Variants in MS4A4E observed in about 807,000 individuals in gnomAD.
MS4A4E encodes membrane spanning 4-domains A4E.
Under a neutral mutation model 13.3 loss-of-function variants are expected in MS4A4E, and 23 were observed. The ratio of observed to expected loss-of-function variants is 1.73; its 90% CI spans 1.25 to 2.45. MS4A4E has a LOEUF of 2.45. Among genes scored for constraint, MS4A4E ranks in the 30% most tolerant of loss-of-function variants. The pLI, the probability that MS4A4E is intolerant of heterozygous loss-of-function variation, is 0.00. For synonymous variants in MS4A4E, 36 were observed against 45.6 expected (o/e 0.79, Z 0.85); for missense variants, 144 against 131.2 (o/e 1.10, Z -0.48).
chr11:60,232,524 A>G (rs1273666065), intron 1 of MS4A4E, among the ~76,000 whole-genome samples: 1 of 152,138 alleles, frequency 6.6e-6, no homozygotes. Context: ...CTACAGGGAA[A>G]AGGTTAGTGA....
intron 3 of MS4A4E, among the ~76,000 whole-genome samples, chr11:60,227,287 C>T (rs1369769190): frequency 6.6e-6 from 1 of 152,156 alleles, no homozygotes; most frequent in Non-Finnish European, 1.5e-5. Flanking sequence ...CGTGGTGGCT[C>T]ACCCCTGTAA....
chr11:60,217,307 C>T (rs146319507), intron 3 of MS4A4E, among the ~76,000 whole-genome samples: 414 of 152,174 alleles, frequency 2.7e-3, no homozygotes, highest in Non-Finnish European at 4.8e-3. Context: ...ACTGTTAAAG[C>T]GAGAGCATTG....
At chr11:60,242,913 A>T (rs1388354745) in intron 1 of MS4A4E, 45 bp downstream of exon 1, 1 of 1,422,392 alleles carries the variant, frequency 7.0e-7, no homozygotes, top group African/African-American at 1.4e-5. Flanking sequence ...GAAATGAAAC[A>T]AACTATCAGT....
At chr11:60,233,283 A>G (rs1473917549) in intron 1 of MS4A4E, among the ~76,000 whole-genome samples, 3 of 152,268 alleles carry the variant, frequency 2.0e-5, no homozygotes, top group East Asian at 3.9e-4. Flanking sequence ...AATTGCTGCT[A>G]TGCCCGATTG....
intron 1 of MS4A4E, 92 bp downstream of exon 1, chr11:60,242,866 T>C: frequency 1.1e-6 from 1 of 937,310 alleles, no homozygotes; most frequent in Non-Finnish European, 1.6e-6. Flanking sequence ...GACCTCATTT[T>C]TTTTTCTCAC....
rs150002661 is a variant in MS4A4E, at chr11:60,201,665, G to C, written c.874C>G (p.Leu292Val). 3.7e-3 allele frequency: 1,066 copies of C among 287,444 alleles called. 14 individuals carry two copies. Among genetic ancestry groups the C allele is most frequent in the African/African-American group, 0.023 (997 of 42,872 alleles). 17.8% of individuals were successfully genotyped at this position (287,444 alleles called of 1,614,324 possible). A position where few individuals can be genotyped will look rare whatever the true frequency, so the allele number is the denominator to read the frequency against. The change falls in exon 9 of 9, where the codon CTG becomes GTG. Residue 292 changes from leucine (L) to valine (V), a missense_variant. This residue lies in a region of MS4A4E where 21 missense variants were observed against 25.1 expected (regional missense o/e 0.84). Coordinates refer to ENST00000651255, the MANE Select transcript of MS4A4E (RefSeq NM_001393391.1). Reference sequence around the variant, plus strand: ...GGGCAGAGACGCTCCTCACTTTCCAGACTGGGCAGCCAGGCAGAGGGGCTC... The same window carrying C: ...GGGCAGAGACGCTCCTCACTTTCCACACTGGGCAGCCAGGCAGAGGGGCTC... ...VRSPSAWLPSLESEERLCPAA... is the reference protein window; with the variant it reads ...VRSPSAWLPSVESEERLCPAA...
At chr11:60,218,753 G>A (rs147797200) in intron 3 of MS4A4E, among the ~76,000 whole-genome samples, 46 of 152,212 alleles carry the variant, frequency 3.0e-4, no homozygotes, top group African/African-American at 1.0e-3. Flanking sequence ...TTCAGAATGC[G>A]ATACACAAGA....
chr11:60,222,112 T>G (rs1038504350), intron 3 of MS4A4E, among the ~76,000 whole-genome samples: 1 of 152,318 alleles, frequency 6.6e-6, no homozygotes, highest in South Asian at 2.1e-4. Flanking sequence ...CTCGGAATGA[T>G]CAGCCAGCTA....
chr11:60,225,608 G>C (rs1336577133), intron 3 of MS4A4E, among the ~76,000 whole-genome samples: 1 of 152,038 alleles, frequency 6.6e-6, no homozygotes, highest in Non-Finnish European at 1.5e-5. Context: ...TTATAAATGG[G>C]TCAAAAAATT....
At chr11:60,202,152 A>G (rs1432713332) in intron 8 of MS4A4E, among the ~76,000 whole-genome samples, 1 of 152,228 alleles carries the variant, frequency 6.6e-6, no homozygotes, top group Non-Finnish European at 1.5e-5. Context: ...TGCAATCACT[A>G]AGCAGACAGA....
chr11:60,224,216 G>C (rs1387914384), intron 3 of MS4A4E, among the ~76,000 whole-genome samples: 1 of 151,754 alleles, frequency 6.6e-6, no homozygotes, highest in Non-Finnish European at 1.5e-5. Flanking sequence ...CTTGGGAAAA[G>C]GTTTTTAAAC....
chr11:60,239,116 T>C (rs2084518162), intron 1 of MS4A4E, among the ~76,000 whole-genome samples: 1 of 152,192 alleles, frequency 6.6e-6, no homozygotes, highest in South Asian at 2.1e-4. Flanking sequence ...GCCAGACTAG[T>C]GTAGTGGATC....
chr11:60,218,332 G>C (rs1418780725), intron 3 of MS4A4E, among the ~76,000 whole-genome samples: 1 of 152,120 alleles, frequency 6.6e-6, no homozygotes. Flanking sequence ...ATCTCGCCCT[G>C]CCTCCACTTG....
At chr11:60,213,200 TA>T (rs1330819167) in intron 4 of MS4A4E, 68 bp from the exon 5 acceptor site, 1 of 1,218,702 alleles carries the variant, frequency 8.2e-7, no homozygotes, top group African/African-American at 1.5e-5. Flanking sequence ...TTAATTACTT[TA>T]CACTGCTGTC....
chr11:60,212,410 C>T (rs778543797), intron 5 of MS4A4E, among the ~76,000 whole-genome samples: 41 of 151,446 alleles, frequency 2.7e-4, no homozygotes, highest in African/African-American at 6.3e-4. Flanking sequence ...CCTGGGTTCA[C>T]GCCATTCTCC....
intron 5 of MS4A4E, among the ~76,000 whole-genome samples, chr11:60,212,103 G>A (rs982228310): frequency 2.0e-5 from 3 of 152,040 alleles, no homozygotes; most frequent in South Asian, 2.1e-4. Context: ...AAGCAATTGA[G>A]ATAGCATTGA....
At chr11:60,231,008 A>G (rs1164755786) in intron 1 of MS4A4E, among the ~76,000 whole-genome samples, 1 of 152,202 alleles carries the variant, frequency 6.6e-6, no homozygotes, top group Non-Finnish European at 1.5e-5. Context: ...ATTGTAGTCC[A>G]AATTTGCTAT....
rs867127647 is a variant in MS4A4E, at chr11:60,201,045, T to C, written c.*498A>G. Among the ~76,000 whole-genome samples the C allele has an allele frequency of 1.1e-5, 1 of 88,204 alleles. No individual in the cohort carries two copies. Among genetic ancestry groups the C allele is most frequent in the Non-Finnish European group, 2.2e-5 (1 of 44,806 alleles). 57.9% of individuals were successfully genotyped at this position (88,204 alleles called of 152,430 possible). ...GACCCCCCCACCTCCCTCCCAGACG[T>C]GGTGGCTGGCCGGGTGGGGGGCTGA... On this transcript the variant is annotated 3_prime_UTR_variant, in exon 9 of 9. Transcript: ENST00000651255.
chr11:60,214,732 C>T, intron 3 of MS4A4E, 118 bp from the exon 4 acceptor site: 1 of 516,368 alleles, frequency 1.9e-6, no homozygotes, highest in Non-Finnish European at 3.2e-6. Context: ...ATAAACAGGT[C>T]AATTATCTTA....
Sources: gnomAD v4.1 joint callset for allele counts (sites outside exome capture counted in the v4.1 genomes callset) on GRCh38, gnomAD v4.1.1 for gene constraint, gnomAD v4.1.1 regional missense constraint, MANE v1.5 for transcripts, NCBI Gene and HGNC (gene_info 2026-07-23, HGNC 2026-07-21) for gene names.